The following MT1F variants were observed in gnomAD, a reference collection of about 807,000 sequenced individuals.
MT1F encodes metallothionein-1F.
In MT1F, 6 loss-of-function variants were observed where a neutral mutation model predicts 5.4. The observed-to-expected ratio is 1.11, with a 90% CI of 0.61 to 2.19. The LOEUF (loss-of-function observed/expected upper bound fraction) is 2.19, where lower values mean the gene tolerates loss of function less well. Ranked by LOEUF, MT1F falls within the 30% of genes most tolerant of loss-of-function variation. The pLI is 0.00. For missense variants in MT1F, 82 were observed against 77.0 expected (o/e 1.07, Z -0.24); for synonymous variants, 28 against 28.3 (o/e 0.99, Z 0.04).
chr16:56,658,581 C>T lies in MT1F; in HGVS notation c.29-94C>T. 3.9e-6 allele frequency: 5 copies of T among 1,283,630 alleles called. 1 individual carries two copies. The South Asian group carries it at 6.2e-5, about 16-fold the overall frequency. The allele number at this position is 1,283,630 out of a possible 1,614,324, so 79.5% of individuals were successfully genotyped here. ...AAAGGAGCTCTGAGGGCTGGCCCCG[C>T]ACAGAGGAGGGGGCAATGGAGACTC... On this transcript the variant is annotated intron_variant, in intron 1 of 2. Transcript: ENST00000334350.
chr16:56,658,887 A>T, intron 2 of MT1F, 147 bp downstream of exon 2: 1 of 1,191,650 alleles, frequency 8.4e-7, no homozygotes, highest in Non-Finnish European at 1.2e-6. Flanking sequence ...TGCCCTGTGC[A>T]GGGCGCCTGG....
At position 56,658,082 on chromosome 16, in the gene MT1F, C is replaced by T; in HGVS notation, c.24C>T (p.Ala8=). 6.2e-7 allele frequency: 1 copy of T among 1,614,110 alleles called. No individual in the cohort carries two copies. The highest frequency in any genetic ancestry group is 8.5e-7 in the Non-Finnish European group (1 of 1,179,986). The change falls in exon 1 of 3, where the codon GCC becomes GCT. Residue 8 remains alanine, a synonymous_variant. Transcript: ENST00000334350. ...CAATGGACCCCAACTGCTCCTGCGC[C>T]GCTGGTAAGGAACGCCGGGTTCCGT... MDPNCSC[A]AGVSCTCAGS...
At chr16:56,658,915 A>T (rs1342488640) in intron 2 of MT1F, 158 bp from the exon 3 acceptor site, 5 of 1,052,872 alleles carry the variant, frequency 4.7e-6, no homozygotes, top group Non-Finnish European at 7.3e-6. Flanking sequence ...TCTCATAGGA[A>T]GACCCACCCC....
intron 2 of MT1F, 29 bp downstream of exon 2, chr16:56,658,769 G>C: frequency 6.2e-7 from 1 of 1,613,784 alleles, no homozygotes; most frequent in South Asian, 1.1e-5. Context: ...CCATGGTCTG[G>C]GGCTGTGGCT....
chr16:56,659,252 C>A lies in MT1F; in HGVS notation c.*88C>A. On this transcript the variant is annotated 3_prime_UTR_variant, in exon 3 of 3. Transcript: ENST00000334350. ...TTATACCACCTTGACCCATTTGCTACATTCCTTTTCCTGTGAAATATGTGA... is the reference window on the plus strand; with the variant it reads ...TTATACCACCTTGACCCATTTGCTAAATTCCTTTTCCTGTGAAATATGTGA... The A allele has an allele frequency of 7.9e-7, 1 of 1,263,852 alleles. No homozygotes were observed. The highest frequency in any genetic ancestry group is 1.1e-6 in the Non-Finnish European group (1 of 877,412). The allele number at this position is 1,263,852 out of a possible 1,614,324, so 78.3% of individuals were successfully genotyped here.
rs2144338789 is a variant in MT1F at position 56,658,028 on chromosome 16, C to T, written c.-31C>T. 6.2e-7 allele frequency: 1 copy of T among 1,613,356 alleles called. No homozygotes were observed. The highest frequency in any genetic ancestry group is 1.1e-5 in the South Asian group (1 of 91,060). On this transcript the variant is annotated 5_prime_UTR_variant, in exon 1 of 3. Transcript: ENST00000334350. ...TGCCCCACTGCTTCTTCGCTTCTCTCTTGGAAAGTCCAGTCTCTCCTCGGC... is the reference window on the plus strand; with the variant it reads ...TGCCCCACTGCTTCTTCGCTTCTCTTTTGGAAAGTCCAGTCTCTCCTCGGC...
At chr16:56,658,482 A>G (rs1344355208) in intron 1 of MT1F, 193 bp from the exon 2 acceptor site, 1 of 635,504 alleles carries the variant, frequency 1.6e-6, no homozygotes. Flanking sequence ...TTTGGAGTGC[A>G]AACAGGAGGC....
chr16:56,658,667 T>C lies in MT1F; in HGVS notation c.29-8T>C, dbSNP rs750772886. On this transcript the variant is annotated splice_region_variant and splice_polypyrimidine_tract_variant and intron_variant, in intron 1 of 2. Coordinates refer to ENST00000334350, the MANE Select transcript of MT1F (RefSeq NM_005949.4). ...CCGCTCACTGGCTTTTTTTTCTCTT[T>C]CTCGCAGGTGTCTCCTGCACCTGCG... 6.8e-6 allele frequency: 11 copies of C among 1,614,154 alleles called. No individual in the cohort carries two copies. The East Asian group carries it at 2.0e-4, about 29-fold the overall frequency.
intron 1 of MT1F, chr16:56,658,435 C>A (rs923844437): frequency 1.7e-6 from 1 of 598,522 alleles, no homozygotes; most frequent in Non-Finnish European, 3.0e-6. Flanking sequence ...TCGAAGTCGC[C>A]GTCTTCCCAG....
chr16:56,659,103 G>A lies in MT1F; in HGVS notation c.125G>A (p.Ser42Asn). ...SCCSCCPVGC[S>N]KCAQGCVCKG... Reference sequence around the variant, plus strand: ...TGCTCCTGCTGCCCCGTGGGCTGTAGCAAGTGTGCCCAGGGCTGTGTTTGC... The same window carrying A: ...TGCTCCTGCTGCCCCGTGGGCTGTAACAAGTGTGCCCAGGGCTGTGTTTGC... The change falls in exon 3 of 3, where the codon AGC becomes AAC. Residue 42 changes from serine (S) to asparagine (N), a missense_variant. Ser to Asn is a conservative substitution (Grantham distance 46). Coordinates refer to ENST00000334350, the MANE Select transcript of MT1F (RefSeq NM_005949.4). 1 of 1,614,088 alleles carries A rather than the reference G, an allele frequency of 6.2e-7. No homozygotes were observed.
chr16:56,658,690 G>A lies in MT1F; in HGVS notation c.44G>A (p.Cys15Tyr), dbSNP rs1960652231. 1.9e-6 allele frequency: 3 copies of A among 1,614,078 alleles called. No individual in the cohort carries two copies. Among genetic ancestry groups the A allele is most frequent in the South Asian group, 2.2e-5 (2 of 91,086 alleles). ...TTTCTCGCAGGTGTCTCCTGCACCT[G>A]CGCTGGTTCCTGCAAGTGCAAAGAG... ...CSCAAGVSCT[C>Y]AGSCKCKECK... The change falls in exon 2 of 3, where the codon TGC becomes TAC. Residue 15 changes from cysteine to tyrosine, a missense_variant. Cys to Tyr is a radical substitution (Grantham distance 194, BLOSUM62 -2). Transcript: ENST00000334350.
chr16:56,658,250 C>T (rs1960645741), intron 1 of MT1F, 164 bp downstream of exon 1: 8 of 727,502 alleles, frequency 1.1e-5, no homozygotes, highest in Non-Finnish European at 1.8e-5. Flanking sequence ...CATTTCCTTC[C>T]TCTCTGTGCC....
Position 56,659,286 on chromosome 16 carries a change from T to C in MT1F, c.*122T>C. 1 of 915,590 alleles carries C rather than the reference T, an allele frequency of 1.1e-6. No individual in the cohort carries two copies. Among genetic ancestry groups the C allele is most frequent in the Non-Finnish European group, 1.7e-6 (1 of 589,586 alleles). 56.7% of individuals were successfully genotyped at this position (915,590 alleles called of 1,614,324 possible). On this transcript the variant is annotated 3_prime_UTR_variant, in exon 3 of 3. Transcript: ENST00000334350. ...TCCTGTGAAATATGTGAGTGATAAT[T>C]AAACACTTTAGACCTGATTCTGACT...
chr16:56,658,013 C>A lies in MT1F; in HGVS notation c.-46C>A. The A allele has an allele frequency of 1.2e-6, 2 of 1,608,770 alleles. No individual in the cohort carries two copies. The highest frequency in any genetic ancestry group is 1.3e-5 in the African/African-American group (1 of 74,888). On this transcript the variant is annotated 5_prime_UTR_variant, in exon 1 of 3. Coordinates refer to ENST00000334350, the MANE Select transcript of MT1F (RefSeq NM_005949.4). ...ACCACGCCTTCCACCTGCCCCACTG[C>A]TTCTTCGCTTCTCTCTTGGAAAGTC...
chr16:56,658,781 A>G, intron 2 of MT1F, 41 bp downstream of exon 2: 1 of 1,612,354 alleles, frequency 6.2e-7, no homozygotes, highest in East Asian at 2.2e-5. Context: ...GCTGTGGCTA[A>G]GGTTGGGATG....
At position 56,658,691 on chromosome 16, in the gene MT1F, C is replaced by T. The variant is rs369239472; in HGVS notation, c.45C>T (p.Cys15=). 1.7e-5 allele frequency: 28 copies of T among 1,614,056 alleles called. No individual in the cohort carries two copies. Among genetic ancestry groups the T allele is most frequent in the East Asian group, 1.3e-4 (6 of 44,890 alleles). ...TTCTCGCAGGTGTCTCCTGCACCTGCGCTGGTTCCTGCAAGTGCAAAGAGT... is the reference window on the plus strand; with the variant it reads ...TTCTCGCAGGTGTCTCCTGCACCTGTGCTGGTTCCTGCAAGTGCAAAGAGT... ...CSCAAGVSCT[C]AGSCKCKECK... The change falls in exon 2 of 3, where the codon TGC becomes TGT. Residue 15 remains cysteine (C), a synonymous_variant. Transcript: ENST00000334350.
chr16:56,658,375 AT>A (rs1960647115), intron 1 of MT1F: 3 of 586,502 alleles, frequency 5.1e-6, no homozygotes, highest in Non-Finnish European at 9.1e-6. Context: ...GAGCAGCAGG[AT>A]TAGATAGGAG....
chr16:56,658,827 G>A, intron 2 of MT1F, 87 bp downstream of exon 2: 9 of 1,515,172 alleles, frequency 5.9e-6, no homozygotes, highest in Non-Finnish European at 8.2e-6. Flanking sequence ...TGCTTCTGGG[G>A]AACTGGCCTT....
In MT1F at chr16:56,658,679, C is replaced by T. The variant is rs1960651949; in HGVS notation, c.33C>T (p.Val11=). 6.2e-7 allele frequency: 1 copy of T among 1,614,190 alleles called. No homozygotes were observed. The highest frequency in any genetic ancestry group is 2.2e-5 in the East Asian group (1 of 44,878). MDPNCSCAAG[V]SCTCAGSCKC... ...TTTTTTTTCTCTTTCTCGCAGGTGT[C>T]TCCTGCACCTGCGCTGGTTCCTGCA... Residue 11 remains valine, a synonymous_variant, in exon 2 of 3, where the codon GTC becomes GTT. Transcript: ENST00000334350.
Sources: allele counts gnomAD v4.1 joint callset, GRCh38; gene constraint gnomAD v4.1.1; transcripts MANE v1.5; gene names NCBI Gene and HGNC (gene_info 2026-07-23, HGNC 2026-07-21).